Variants in SSH2 observed in about 807,000 individuals in gnomAD.
The protein encoded by SSH2 is protein phosphatase Slingshot homolog 2.
A neutral mutation model predicts 135.2 loss-of-function variants in SSH2; 37 were observed. The observed-to-expected ratio is 0.27, with a 90% CI of 0.21 to 0.36. The LOEUF (loss-of-function observed/expected upper bound fraction) is 0.36, where lower values mean the gene tolerates loss of function less well. Among genes scored for constraint, SSH2 ranks in the 10% least tolerant of loss-of-function variants. The pLI is 1.00. For synonymous variants in SSH2, 628 were observed against 646.2 expected (o/e 0.97, Z 0.43); for missense variants, 1,408 against 1,765.3 (o/e 0.80, Z 3.63).
At chr17:29,806,673 G>A (rs925998801) in intron 2 of SSH2, among the ~76,000 whole-genome samples, 4 of 152,190 alleles carry the variant, frequency 2.6e-5, no homozygotes, top group Admixed American at 1.3e-4. Context: ...AGCAGGGGAC[G>A]TCCAGGTCTT....
chr17:29,818,323 A>T (rs2042594125), intron 2 of SSH2, among the ~76,000 whole-genome samples: 1 of 148,270 alleles, frequency 6.7e-6, no homozygotes, highest in African/African-American at 2.5e-5. Context: ...ATCTTGGCTC[A>T]CTGCAAGCTC....
In SSH2 at chr17:29,632,364, C is replaced by G; in HGVS notation, c.2830G>C (p.Ala944Pro). The G allele has an allele frequency of 6.2e-7, 1 of 1,613,974 alleles. No homozygotes were observed. Among genetic ancestry groups the G allele is most frequent in the Non-Finnish European group, 8.5e-7 (1 of 1,179,870 alleles). Residue 944 changes from alanine to proline, a missense_variant, in exon 16 of 16, where the codon GCC (alanine) becomes CCC (proline). Physicochemically the swap from Ala to Pro is conservative, Grantham distance 27. Transcript: ENST00000540801. ...AGGACAAATGAATGTTCTGGGGGGG[C>G]TTCATCACTTTTCCCTTTTGGTGCT... ...DLAPKGKSDEAPPEHSFVLKE... is the reference protein window; with the variant it reads ...DLAPKGKSDEPPPEHSFVLKE...
chr17:29,665,323 C>T (rs1327836667), intron 11 of SSH2, among the ~76,000 whole-genome samples: 2 of 152,124 alleles, frequency 1.3e-5, no homozygotes, highest in African/African-American at 4.8e-5. Context: ...AAAGAAGTCC[C>T]CCTCCCAACT....
At chr17:29,640,700 T>C (rs1296643826) in intron 14 of SSH2, 1 of 152,212 alleles carries the variant, frequency 6.6e-6, no homozygotes, top group East Asian at 1.9e-4. Flanking sequence ...TTCATCTCCA[T>C]TGCCTGTGAA....
intron 1 of SSH2, among the ~76,000 whole-genome samples, chr17:29,910,326 T>A (rs200488344): frequency 1.3e-5 from 2 of 151,152 alleles, no homozygotes; most frequent in African/African-American, 2.4e-5. Context: ...TTGTAACCTA[T>A]AAAAAAAAAT....
At chr17:29,915,455 A>T (rs1245126462) in intron 1 of SSH2, among the ~76,000 whole-genome samples, 1 of 152,006 alleles carries the variant, frequency 6.6e-6, no homozygotes, top group Non-Finnish European at 1.5e-5. Context: ...TCCATATTTT[A>T]AAAAAAATCT....
chr17:29,634,034 G>C (rs1466124693), intron 15 of SSH2, among the ~76,000 whole-genome samples: 1 of 152,194 alleles, frequency 6.6e-6, no homozygotes, highest in Non-Finnish European at 1.5e-5. Flanking sequence ...GGGCCATGGA[G>C]GGAGGGCTCA....
chr17:29,917,035 G>C (rs575859046), intron 1 of SSH2, among the ~76,000 whole-genome samples: 199 of 147,916 alleles, frequency 1.3e-3, no homozygotes, highest in African/African-American at 4.7e-3. Context: ...AAAAAAAAAA[G>C]GGTTTGTCAG....
Position 29,749,667 on chromosome 17 carries a change from A to C in SSH2, c.188+44227T>G, listed in dbSNP as rs965551250. Among the ~76,000 whole-genome samples the C allele has an allele frequency of 3.9e-5, 6 of 152,196 alleles. No individual in the cohort carries two copies. The East Asian group carries it at 9.6e-4, about 24-fold the overall frequency. Reference sequence around the variant, plus strand: ...GAAGACCTAGGACATGACTGTAACTACTGTGGACTTTATAAACACCATACA... The same window carrying C: ...GAAGACCTAGGACATGACTGTAACTCCTGTGGACTTTATAAACACCATACA... On this transcript the variant is annotated intron_variant, in intron 3 of 15. Coordinates refer to ENST00000540801, the MANE Select transcript of SSH2 (RefSeq NM_001282129.2).
At chr17:29,791,593 A>G (rs1030776358) in intron 3 of SSH2, among the ~76,000 whole-genome samples, 8 of 152,242 alleles carry the variant, frequency 5.3e-5, no homozygotes, top group Admixed American at 3.9e-4. Flanking sequence ...AATCTGTAGC[A>G]GTCAAACATA....
intron 3 of SSH2, among the ~76,000 whole-genome samples, chr17:29,751,174 G>A (rs975985568): frequency 5.9e-5 from 9 of 152,220 alleles, no homozygotes; most frequent in Non-Finnish European, 1.0e-4. Context: ...CCAGCACTCT[G>A]GGAGGCCGAG....
chr17:29,632,641 G>A lies in SSH2; in HGVS notation c.2553C>T (p.Asn851=), dbSNP rs747597786. Residue 851 remains asparagine (N), a synonymous_variant, in exon 16 of 16, where the codon AAC becomes AAT. Transcript: ENST00000540801. ...PELAKDSGMC[N]PEGCLTTHSS... is the part of the protein sequence containing the mutation. Reference sequence around the variant, plus strand: ...AGTGTGTGGTTAGGCAGCCTTCTGGGTTGCACATCCCTGAGTCTTTGGCTA... The same window carrying A: ...AGTGTGTGGTTAGGCAGCCTTCTGGATTGCACATCCCTGAGTCTTTGGCTA... The A allele has an allele frequency of 6.2e-7, 1 of 1,614,134 alleles. No individual in the cohort carries two copies. The highest frequency in any genetic ancestry group is 1.6e-4 in the Middle Eastern group (1 of 6,062).
At chr17:29,659,616 C>A (rs373581664) in intron 11 of SSH2, among the ~76,000 whole-genome samples, 1 of 152,054 alleles carries the variant, frequency 6.6e-6, no homozygotes, top group Non-Finnish European at 1.5e-5. Context: ...CTCCACCTCC[C>A]GGGTTCATGC....
chr17:29,692,254 TCAAAA>T (rs1349320726), intron 5 of SSH2, among the ~76,000 whole-genome samples: 1 of 152,120 alleles, frequency 6.6e-6, no homozygotes, highest in Non-Finnish European at 1.5e-5. Context: ...CAAATTTAAC[TCAAAA>T]CAAAAGCCTT....
chr17:29,904,910 A>T (rs2066625672), intron 1 of SSH2, among the ~76,000 whole-genome samples: 1 of 152,208 alleles, frequency 6.6e-6, no homozygotes, highest in East Asian at 1.9e-4. Context: ...TTGCTAAAAA[A>T]GAATAAAATA....
rs115397640 is a variant in SSH2 at position 29,844,735 on chromosome 17, A to C, written c.144+4114T>G. 5.1e-3 allele frequency among the ~76,000 whole-genome samples: 782 copies of C among 152,336 alleles called. 6 individuals carry two copies. Among genetic ancestry groups the C allele is most frequent in the African/African-American group, 0.018 (740 of 41,564 alleles). On this transcript the variant is annotated intron_variant, in intron 2 of 15. Transcript: ENST00000540801. Reference sequence around the variant, plus strand: ...AAACCTGTGCACAGTAGAGGGAGCAAGTAGCTGCTTCTATCTATTATCTGG... The same window carrying C: ...AAACCTGTGCACAGTAGAGGGAGCACGTAGCTGCTTCTATCTATTATCTGG...
chr17:29,815,895 C>T (rs957869842), intron 2 of SSH2, among the ~76,000 whole-genome samples: 2 of 152,094 alleles, frequency 1.3e-5, no homozygotes, highest in African/African-American at 2.4e-5. Context: ...GTTGCCCAGG[C>T]TGGAGTGCAC....
chr17:29,921,582 C>CTT (rs965368328), intron 1 of SSH2, among the ~76,000 whole-genome samples: 1 of 147,048 alleles, frequency 6.8e-6, no homozygotes, highest in Non-Finnish European at 1.5e-5. Flanking sequence ...GTGTCAAATA[C>CTT]TTTTTTTTTT....
intron 3 of SSH2, among the ~76,000 whole-genome samples, chr17:29,750,841 C>T (rs1385505114): frequency 6.6e-6 from 1 of 150,634 alleles, no homozygotes; most frequent in Non-Finnish European, 1.5e-5. Flanking sequence ...CGGTGAAACC[C>T]CATCTCTACC....
Sources: gnomAD v4.1 joint callset for allele counts (sites outside exome capture counted in the v4.1 genomes callset) on GRCh38, gnomAD v4.1.1 for gene constraint, MANE v1.5 for transcripts, NCBI Gene and HGNC (gene_info 2026-07-23, HGNC 2026-07-21) for gene names.